The following VWC2L variants were observed in gnomAD, a reference collection of about 807,000 sequenced individuals.
VWC2L encodes the protein von Willebrand factor C domain-containing protein 2-like.
Under a neutral mutation model 21.6 loss-of-function variants are expected in VWC2L, and 10 were observed. The observed-to-expected ratio is 0.46, with a 90% confidence interval of 0.29 to 0.78. VWC2L has a LOEUF of 0.78. Among genes scored for constraint, VWC2L ranks in the 30% least tolerant of loss-of-function variants. The pLI is 0.10. For synonymous variants in VWC2L, 96 were observed against 94.3 expected (o/e 1.02, Z -0.10); for missense variants, 209 against 277.1 (o/e 0.75, Z 1.74).
chr2:214,498,278 T>C (rs1248258095), intron 3 of VWC2L, among the ~76,000 whole-genome samples: 1 of 152,162 alleles, frequency 6.6e-6, no homozygotes, highest in Non-Finnish European at 1.5e-5. Flanking sequence ...ACAATGGACA[T>C]AGAGAAAAAC....
chr2:214,537,756 A>G (rs1689558765), intron 3 of VWC2L, among the ~76,000 whole-genome samples: 1 of 152,142 alleles, frequency 6.6e-6, no homozygotes, highest in Admixed American at 6.6e-5. Context: ...TGAATGGAAT[A>G]AATGAACAAA....
rs1371350413 is a variant in VWC2L at position 214,577,298 on chromosome 2, T to A, written c.*1478T>A. ...TGGAGAGCCATATTCTAGAGCAAGG[T>A]GTCTCAATCTTAGTAGGATTGACAT... On this transcript the variant is annotated 3_prime_UTR_variant, in exon 4 of 4. Transcript: ENST00000312504. The A allele has an allele frequency of 1.3e-5, 2 of 152,174 alleles. No homozygotes were observed. 9.4% of individuals were successfully genotyped at this position (152,174 alleles called of 1,614,324 possible). A position where few individuals can be genotyped will look rare whatever the true frequency, so the allele number is the denominator to read the frequency against.
intron 3 of VWC2L, among the ~76,000 whole-genome samples, chr2:214,568,234 C>G (rs1050987751): frequency 6.6e-6 from 1 of 152,096 alleles, no homozygotes; most frequent in Non-Finnish European, 1.5e-5. Flanking sequence ...GATCTAGGAC[C>G]TTGACTATGT....
intron 3 of VWC2L, among the ~76,000 whole-genome samples, chr2:214,468,547 TA>T (rs1375576398): frequency 6.6e-6 from 1 of 152,058 alleles, no homozygotes; most frequent in African/African-American, 2.4e-5. Context: ...TTGACTACCT[TA>T]AAAATATTAG....
At chr2:214,534,932 T>C (rs1689502468) in intron 3 of VWC2L, among the ~76,000 whole-genome samples, 1 of 152,106 alleles carries the variant, frequency 6.6e-6, no homozygotes, top group South Asian at 2.1e-4. Flanking sequence ...CTTGAATTGT[T>C]TTCCAGTGGG....
chr2:214,450,860 T>C (rs1407822100), intron 3 of VWC2L, among the ~76,000 whole-genome samples: 2 of 152,238 alleles, frequency 1.3e-5, no homozygotes, highest in Non-Finnish European at 2.9e-5. Context: ...TCTTGTTTAT[T>C]AAGCCCTGAT....
chr2:214,480,613 C>A (rs1032823133), intron 3 of VWC2L, among the ~76,000 whole-genome samples: 4 of 152,064 alleles, frequency 2.6e-5, no homozygotes, highest in African/African-American at 9.7e-5. Flanking sequence ...AGGCTCCTTT[C>A]ATCTTATTAG....
At chr2:214,499,521 G>C (rs562399510) in intron 3 of VWC2L, among the ~76,000 whole-genome samples, 5 of 121,750 alleles carry the variant, frequency 4.1e-5, no homozygotes, top group Admixed American at 9.1e-5. Context: ...GGGAGGGGTG[G>C]AGGGATAGCA....
Position 214,576,642 on chromosome 2 carries a change from A to G in VWC2L, c.*822A>G, listed in dbSNP as rs576981369. 3 of 152,278 alleles carry G rather than the reference A, an allele frequency of 2.0e-5. No homozygotes were observed. The highest frequency in any genetic ancestry group is 4.4e-5 in the Non-Finnish European group (3 of 68,016). 9.4% of individuals were successfully genotyped at this position (152,278 alleles called of 1,614,324 possible). A position where few individuals can be genotyped will look rare whatever the true frequency, so the allele number is the denominator to read the frequency against. ...AGACTTTTTCATGATGTGAAATTTG[A>G]GTTTGGTTTGTAGCTAAACACACTC... On this transcript the variant is annotated 3_prime_UTR_variant, in exon 4 of 4. Coordinates refer to ENST00000312504, the MANE Select transcript of VWC2L (RefSeq NM_001080500.4).
At chr2:214,481,948 T>C (rs963997921) in intron 3 of VWC2L, among the ~76,000 whole-genome samples, 3 of 152,140 alleles carry the variant, frequency 2.0e-5, no homozygotes, top group Non-Finnish European at 4.4e-5. Flanking sequence ...AAAGAAATGT[T>C]CAATACAAGG....
intron 3 of VWC2L, among the ~76,000 whole-genome samples, chr2:214,561,809 TACAC>T (rs1267186355): frequency 2.4e-4 from 31 of 127,048 alleles, no homozygotes; most frequent in African/African-American, 1.0e-3. Flanking sequence ...TATATATATA[TACAC>T]ACACATATAT....
intron 3 of VWC2L, among the ~76,000 whole-genome samples, chr2:214,480,511 C>T (rs564203796): frequency 6.6e-6 from 1 of 152,260 alleles, no homozygotes; most frequent in South Asian, 2.1e-4. Context: ...AAGAATCACG[C>T]TCAGTTTAGA....
intron 3 of VWC2L, among the ~76,000 whole-genome samples, chr2:214,525,583 T>A (rs1407894033): frequency 6.6e-6 from 1 of 152,178 alleles, no homozygotes; most frequent in Non-Finnish European, 1.5e-5. Context: ...TGGAACCCCC[T>A]GGAATTGCCT....
chr2:214,567,366 T>C (rs977120120), intron 3 of VWC2L, among the ~76,000 whole-genome samples: 18 of 152,088 alleles, frequency 1.2e-4, no homozygotes, highest in African/African-American at 4.3e-4. Context: ...CCTGGCTGCC[T>C]TCCAAGATAA....
At chr2:214,437,504 T>C (rs913272660) in intron 3 of VWC2L, among the ~76,000 whole-genome samples, 2 of 152,160 alleles carry the variant, frequency 1.3e-5, no homozygotes, top group African/African-American at 2.4e-5. Context: ...CTTTGCCTTA[T>C]GACCATGTAC....
chr2:214,443,757 G>A (rs1297212651), intron 3 of VWC2L, among the ~76,000 whole-genome samples: 1 of 152,110 alleles, frequency 6.6e-6, no homozygotes, highest in African/African-American at 2.4e-5. Context: ...TCCCGATAAA[G>A]TCAGGAATAG....
intron 3 of VWC2L, among the ~76,000 whole-genome samples, chr2:214,537,390 CATT>C (rs879544338): frequency 6.6e-6 from 1 of 151,388 alleles, no homozygotes; most frequent in Non-Finnish European, 1.5e-5. Context: ...AGCTGGAAGA[CATT>C]ATGCCAAGTA....
At chr2:214,503,744 CAG>C (rs968616136) in intron 3 of VWC2L, among the ~76,000 whole-genome samples, 1 of 140,702 alleles carries the variant, frequency 7.1e-6, no homozygotes, top group Non-Finnish European at 1.6e-5. Flanking sequence ...AAAAAAAAAA[CAG>C]AAATGATAAA....
intron 3 of VWC2L, among the ~76,000 whole-genome samples, chr2:214,546,423 A>G (rs1689707541): frequency 6.6e-6 from 1 of 151,950 alleles, no homozygotes; most frequent in Non-Finnish European, 1.5e-5. Flanking sequence ...CTTCTCAGTA[A>G]TGTTCTAGTG....
Sources: gnomAD v4.1 joint callset for allele counts (sites outside exome capture counted in the v4.1 genomes callset) on GRCh38, gnomAD v4.1.1 for gene constraint, MANE v1.5 for transcripts, NCBI Gene and HGNC (gene_info 2026-07-23, HGNC 2026-07-21) for gene names.